The following GMDS variants were observed in gnomAD, a reference collection of about 807,000 sequenced individuals.
GMDS encodes GDP-mannose 4,6 dehydratase.
Under a neutral mutation model 49.9 loss-of-function variants are expected in GMDS, and 20 were observed. The ratio of observed to expected loss-of-function variants is 0.40; its 90% confidence interval spans 0.28 to 0.58. The LOEUF (loss-of-function observed/expected upper bound fraction) is 0.58, where lower values mean the gene tolerates loss of function less well. GMDS is among the 20% of genes least tolerant of loss of function. The pLI is 0.42. For synonymous variants in GMDS, 177 were observed against 178.6 expected (o/e 0.99, Z 0.07); for missense variants, 362 against 481.4 (o/e 0.75, Z 2.32).
chr6:1,814,233 G>A (rs1213529829), intron 7 of GMDS, among the ~76,000 whole-genome samples: 2 of 152,188 alleles, frequency 1.3e-5, no homozygotes, highest in African/African-American at 4.8e-5. Flanking sequence ...CTCCTTAGCT[G>A]TAGGAGTGCC....
chr6:1,883,409 G>A (rs980173477), intron 7 of GMDS, among the ~76,000 whole-genome samples: 9 of 151,894 alleles, frequency 5.9e-5, no homozygotes, highest in African/African-American at 1.9e-4. Flanking sequence ...AAAATAAAAT[G>A]ATAATAATAA....
At chr6:1,843,786 C>T (rs941558044) in intron 7 of GMDS, among the ~76,000 whole-genome samples, 13 of 152,088 alleles carry the variant, frequency 8.5e-5, no homozygotes, top group African/African-American at 3.1e-4. Context: ...TAAATAAATG[C>T]ATGCATGCGT....
At chr6:1,809,314 T>C (rs534465896) in intron 7 of GMDS, among the ~76,000 whole-genome samples, 4 of 152,330 alleles carry the variant, frequency 2.6e-5, no homozygotes, top group African/African-American at 9.6e-5. Context: ...ATGTGGCTAC[T>C]ATGAAACTTC....
At chr6:1,710,880 A>C (rs1053734821) in intron 9 of GMDS, among the ~76,000 whole-genome samples, 1 of 152,174 alleles carries the variant, frequency 6.6e-6, no homozygotes, top group Non-Finnish European at 1.5e-5. Flanking sequence ...CAGACTTGTG[A>C]AGGGGTTGAC....
chr6:1,931,694 C>G (rs1245024386), intron 6 of GMDS, among the ~76,000 whole-genome samples: 1 of 152,146 alleles, frequency 6.6e-6, no homozygotes, highest in East Asian at 1.9e-4. Flanking sequence ...ATTTCAATGT[C>G]AGGACTATAC....
intron 4 of GMDS, among the ~76,000 whole-genome samples, chr6:2,006,626 T>C (rs1233250822): frequency 6.6e-6 from 1 of 152,222 alleles, no homozygotes; most frequent in African/African-American, 2.4e-5. Context: ...TGTATTGTTT[T>C]ATGTTTCTAT....
chr6:1,905,731 G>A (rs1168910357), intron 7 of GMDS, among the ~76,000 whole-genome samples: 14 of 142,346 alleles, frequency 9.8e-5, no homozygotes, highest in Admixed American at 4.1e-4. Flanking sequence ...AGCTATGGGT[G>A]CTGGCGTGTA....
intron 7 of GMDS, among the ~76,000 whole-genome samples, chr6:1,800,609 CTT>C (rs1382478742): frequency 8.2e-4 from 45 of 54,724 alleles, no homozygotes; most frequent in Admixed American, 7.3e-3. Flanking sequence ...ATTAATTTTT[CTT>C]TTTCTTTTTC....
In GMDS at chr6:2,136,768, T is replaced by C. The variant is rs139252938; in HGVS notation, c.103-12037A>G. On this transcript the variant is annotated intron_variant, in intron 1 of 10. Transcript: ENST00000380815. ...TTATTTTAAAGTAAACTGGGCATGG[T>C]GAGGCAGGCCTGTAGTCCTAGCTAC... Among the ~76,000 whole-genome samples the C allele has an allele frequency of 5.7e-3, 863 of 152,018 alleles. 2 individuals are homozygous for C. Among genetic ancestry groups the C allele is most frequent in the Middle Eastern group, 0.017 (5 of 294 alleles).
chr6:2,240,560 C>T (rs1414946885), intron 1 of GMDS, among the ~76,000 whole-genome samples: 3 of 144,886 alleles, frequency 2.1e-5, no homozygotes, highest in East Asian at 2.0e-4. Flanking sequence ...ACCGAGGTCA[C>T]GTCACTGCAC....
chr6:1,630,064 C>CT (rs934788127), intron 9 of GMDS, among the ~76,000 whole-genome samples: 5 of 152,064 alleles, frequency 3.3e-5, no homozygotes, highest in Non-Finnish European at 7.4e-5. Context: ...ATAAATGGAT[C>CT]TTTTTTCATT....
intron 1 of GMDS, among the ~76,000 whole-genome samples, chr6:2,208,517 C>T (rs529163803): frequency 2.6e-5 from 4 of 152,164 alleles, no homozygotes; most frequent in African/African-American, 9.7e-5. Flanking sequence ...GTATTATATA[C>T]AAGCTGTACA....
At chr6:2,139,192 A>C (rs2127526183) in intron 1 of GMDS, among the ~76,000 whole-genome samples, 1 of 152,326 alleles carries the variant, frequency 6.6e-6, no homozygotes, top group Middle Eastern at 3.4e-3. Flanking sequence ...GTACCCCAAA[A>C]GCTATTGAAA....
intron 7 of GMDS, among the ~76,000 whole-genome samples, chr6:1,901,637 C>CTT (rs889763203): frequency 6.0e-5 from 9 of 151,112 alleles, no homozygotes; most frequent in African/African-American, 2.2e-4. Context: ...TCCCACAAGG[C>CTT]TTTTTTTTTG....
At chr6:1,899,119 T>G (rs1307495328) in intron 7 of GMDS, among the ~76,000 whole-genome samples, 1 of 152,246 alleles carries the variant, frequency 6.6e-6, no homozygotes, top group South Asian at 2.1e-4. Context: ...TCTCTCCCTC[T>G]TCCTCCTTTT....
intron 1 of GMDS, among the ~76,000 whole-genome samples, chr6:2,227,147 C>T (rs947491778): frequency 6.6e-5 from 10 of 151,942 alleles, no homozygotes; most frequent in Non-Finnish European, 1.3e-4. Context: ...ATTATTTTTA[C>T]TATTCTGAAT....
rs1003347731 is a variant in GMDS at position 2,175,330 on chromosome 6, C to A, written c.103-50599G>T. On this transcript the variant is annotated intron_variant, in intron 1 of 10. Coordinates refer to ENST00000380815, the MANE Select transcript of GMDS (RefSeq NM_001500.4). ...CCTTTAAAAGTCTCAGCAATTTAAG[C>A]AGTCTAAAGAATAACAAAAATATGG... 1.1e-4 allele frequency among the ~76,000 whole-genome samples: 17 copies of A among 152,088 alleles called. 1 individual carries two copies. Among genetic ancestry groups the A allele is most frequent in the African/African-American group, 2.9e-4 (12 of 41,398 alleles).
chr6:1,898,749 G>A (rs946641397), intron 7 of GMDS, among the ~76,000 whole-genome samples: 1 of 152,178 alleles, frequency 6.6e-6, no homozygotes, highest in African/African-American at 2.4e-5. Flanking sequence ...GCGGGGAGAT[G>A]ACACTCTAAA....
intron 4 of GMDS, among the ~76,000 whole-genome samples, chr6:2,003,310 G>A (rs946317559): frequency 1.4e-4 from 21 of 152,112 alleles, no homozygotes; most frequent in Admixed American, 1.4e-3. Flanking sequence ...AATATTCTTT[G>A]TATCTCTTTG....
Sources: allele counts gnomAD v4.1 joint callset (sites outside exome capture counted in the v4.1 genomes callset), GRCh38; gene constraint gnomAD v4.1.1; transcripts MANE v1.5; gene names NCBI Gene and HGNC (gene_info 2026-07-23, HGNC 2026-07-21).